Variants in DMD observed in about 807,000 individuals in gnomAD.
DMD encodes mutant dystrophin.
A neutral mutation model predicts 330.1 loss-of-function variants in DMD; 63 were observed. The ratio of observed to expected loss-of-function variants is 0.19; its 90% CI spans 0.16 to 0.24. DMD has a LOEUF of 0.24. Among genes scored for constraint, DMD ranks in the 10% least tolerant of loss-of-function variants. The probability of loss-of-function intolerance (pLI) is 1.00; values close to 1 mark genes in which losing one functional copy is unlikely to be tolerated. For missense variants in DMD, 3,344 were observed against 2,684.1 expected, an observed-to-expected ratio of 1.25 and a Z score of -5.43; for synonymous variants, 1,223 against 959.8, an observed-to-expected ratio of 1.27 and a Z score of -5.07.
intron 30 of DMD, among the ~76,000 whole-genome samples, chrX:32,392,709 C>T (rs1205314122): frequency 1.8e-5 from 2 of 112,658 alleles, no homozygotes; most frequent in African/African-American, 3.2e-5. Flanking sequence ...AGAATATAGT[C>T]CAAGTGCCAG....
chrX:31,612,175 C>T (rs1114138), intron 55 of DMD, among the ~76,000 whole-genome samples: 41,766 of 109,996 alleles, frequency 0.38, 6,574 homozygotes, highest in African/African-American at 0.58. Flanking sequence ...TTCAACTTTA[C>T]GTCTGTATAA....
chrX:32,809,084 A>G (rs762737192), intron 7 of DMD, among the ~76,000 whole-genome samples: 28 of 112,098 alleles, frequency 2.5e-4, no homozygotes, highest in Non-Finnish European at 5.1e-4. Context: ...ATAGTAAACC[A>G]TGTTGCCTTT....
At chrX:32,506,963 T>A (rs2044692397) in intron 18 of DMD, among the ~76,000 whole-genome samples, 1 of 111,907 alleles carries the variant, frequency 8.9e-6, no homozygotes, top group Non-Finnish European at 1.9e-5. Flanking sequence ...TTTCTCAACT[T>A]ATTAGTTTTT....
At chrX:33,279,972 A>AGATATCAAGTTCTTGATATCTAGATATG (rs1569559458) in intron 1 of DMD, among the ~76,000 whole-genome samples, 9 of 12,813 alleles carry the variant, frequency 7.0e-4, no homozygotes, top group Non-Finnish European at 3.2e-4. Context: ...ATCTAGATAT[A>AGATATCAAGTTCTTGATATCTAGATATG]TGGTTTGCCA....
intron 9 of DMD, among the ~76,000 whole-genome samples, chrX:32,655,813 C>A (rs1174533176): frequency 9.0e-6 from 1 of 111,191 alleles, no homozygotes; most frequent in African/African-American, 3.3e-5. Flanking sequence ...CTTTATGAAT[C>A]TGGGTGCTCC....
intron 1 of DMD, among the ~76,000 whole-genome samples, chrX:33,175,880 T>C (rs981172788): frequency 1.3e-4 from 15 of 111,913 alleles, no homozygotes; most frequent in African/African-American, 4.6e-4. Flanking sequence ...CCAGACCTTA[T>C]TATATGCTAA....
Position 31,573,366 on chromosome X carries a change from C to G in DMD, c.8217+54307G>C, listed in dbSNP as rs183816933. Among the ~76,000 whole-genome samples, 4 of 111,706 alleles carry G rather than the reference C, an allele frequency of 3.6e-5. No individual in the cohort carries two copies. In the Admixed American group the frequency reaches 3.8e-4, roughly 11 times the overall value. On this transcript the variant is annotated intron_variant, in intron 55 of 78. Coordinates refer to ENST00000357033, the MANE Select transcript of DMD (RefSeq NM_004006.3). ...CTATAACACTCAGATATTGGCAATCCTATATGGCTCAAACTAATACTTTAA... is the reference window on the plus strand; with the variant it reads ...CTATAACACTCAGATATTGGCAATCGTATATGGCTCAAACTAATACTTTAA...
intron 1 of DMD, among the ~76,000 whole-genome samples, chrX:33,142,541 T>C (rs1482620516): frequency 2.7e-5 from 3 of 112,293 alleles, no homozygotes. Context: ...GGGTTTTTAA[T>C]TGCGTAATTG....
intron 48 of DMD, among the ~76,000 whole-genome samples, chrX:31,851,441 A>G (rs1480590068): frequency 8.9e-6 from 1 of 112,145 alleles, no homozygotes; most frequent in Non-Finnish European, 1.9e-5. Context: ...AAGGCCAGTG[A>G]AAGAGTGGGC....
intron 74 of DMD, among the ~76,000 whole-genome samples, chrX:31,167,993 A>T (rs2039599081): frequency 8.9e-6 from 1 of 112,338 alleles, no homozygotes; most frequent in African/African-American, 3.2e-5. Flanking sequence ...GAATAGAGGC[A>T]AAAGACAGAT....
chrX:31,679,009 T>C (rs1310991852), intron 53 of DMD, among the ~76,000 whole-genome samples: 3 of 111,339 alleles, frequency 2.7e-5, no homozygotes, highest in Non-Finnish European at 3.8e-5. Context: ...GGAAGGAGAA[T>C]TGCTTGAGGC....
chrX:33,012,101 C>G (rs2093713004), intron 2 of DMD, among the ~76,000 whole-genome samples: 1 of 111,768 alleles, frequency 8.9e-6, no homozygotes, highest in Non-Finnish European at 1.9e-5. Flanking sequence ...AACTTCTTTA[C>G]TATTAACAAT....
At chrX:32,683,492 A>G (rs949141844) in intron 9 of DMD, among the ~76,000 whole-genome samples, 2 of 108,885 alleles carry the variant, frequency 1.8e-5, no homozygotes, top group African/African-American at 6.8e-5. Context: ...TGTCCTTTGT[A>G]GGGACATGGA....
intron 45 of DMD, among the ~76,000 whole-genome samples, chrX:31,957,240 G>A (rs1024854498): frequency 1.8e-5 from 2 of 111,829 alleles, no homozygotes; most frequent in African/African-American, 6.5e-5. Flanking sequence ...AATGGGAACA[G>A]GTCTGTATCT....
At chrX:32,570,308 A>G (rs1333421824) in intron 15 of DMD, among the ~76,000 whole-genome samples, 1 of 112,065 alleles carries the variant, frequency 8.9e-6, no homozygotes, top group Non-Finnish European at 1.9e-5. Flanking sequence ...CTGAGTCAGC[A>G]AAGGAATTTT....
At chrX:33,224,831 T>C (rs1232696736) in intron 1 of DMD, among the ~76,000 whole-genome samples, 1 of 111,345 alleles carries the variant, frequency 9.0e-6, no homozygotes, top group Non-Finnish European at 1.9e-5. Context: ...AATGGGTAGA[T>C]GGGAAATCTC....
At chrX:32,612,264 G>A (rs908688383) in intron 12 of DMD, among the ~76,000 whole-genome samples, 3 of 110,547 alleles carry the variant, frequency 2.7e-5, no homozygotes, top group Non-Finnish European at 5.7e-5. Flanking sequence ...ATTGGCTAAG[G>A]GCAGCTCTGG....
chrX:32,824,334 G>T (rs1369409930), intron 4 of DMD, among the ~76,000 whole-genome samples: 2 of 111,922 alleles, frequency 1.8e-5, no homozygotes, highest in Admixed American at 1.9e-4. Context: ...ATTTGTAATA[G>T]CCCCAAACTG....
At chrX:31,776,962 C>T (rs973014706) in intron 50 of DMD, among the ~76,000 whole-genome samples, 3 of 111,868 alleles carry the variant, frequency 2.7e-5, no homozygotes, top group African/African-American at 9.7e-5. Context: ...ACCTGAAGAA[C>T]ATCTATCTGT....
Sources: allele counts gnomAD v4.1 joint callset (sites outside exome capture counted in the v4.1 genomes callset), GRCh38; gene constraint gnomAD v4.1.1; transcripts MANE v1.5; gene names NCBI Gene and HGNC (gene_info 2026-07-23, HGNC 2026-07-21).